The following DNAI3 variants were observed in gnomAD, a reference collection of about 807,000 sequenced individuals.
The protein encoded by DNAI3 is WD repeat domain 63.
DNAI3 carries 83 observed loss-of-function variants against 115.5 expected under a neutral mutation model. That is an observed-to-expected ratio of 0.72 (90% CI 0.60 to 0.86). DNAI3 has a LOEUF of 0.86. DNAI3 is among the 40% of genes least tolerant of loss of function. DNAI3 has a pLI of 0.00. For missense variants in DNAI3, 1,004 were observed against 1,075.8 expected (o/e 0.93, Z 0.93); for synonymous variants, 320 against 347.0 (o/e 0.92, Z 0.86).
Position 85,094,379 on chromosome 1 carries a change from C to T in DNAI3, c.1049-52C>T, listed in dbSNP as rs368681335. On this transcript the variant is annotated intron_variant, in intron 9 of 22. Transcript: ENST00000294664. Reference sequence around the variant, plus strand: ...GTAGAAAAGCAAAAGCTAGAGACATCTCTCCATGTATAGTTGCTGCCAACT... The same window carrying T: ...GTAGAAAAGCAAAAGCTAGAGACATTTCTCCATGTATAGTTGCTGCCAACT... The T allele has an allele frequency of 5.6e-6, 9 of 1,604,394 alleles. No homozygotes were observed. The African/African-American group carries it at 1.1e-4, about 19-fold the overall frequency.
At chr1:85,128,847 CTGAGA>C in intron 21 of DNAI3, 48 bp downstream of exon 21, 1 of 1,514,670 alleles carries the variant, frequency 6.6e-7, no homozygotes, top group Non-Finnish European at 9.1e-7. Context: ...CCAGATATTG[CTGAGA>C]TATGTCTTTA....
intron 13 of DNAI3, among the ~76,000 whole-genome samples, chr1:85,102,024 G>A (rs1655341198): frequency 1.3e-5 from 2 of 151,766 alleles, no homozygotes; most frequent in African/African-American, 2.4e-5. Flanking sequence ...GCGAAACCCC[G>A]TATCTATGTA....
chr1:85,129,611 A>G (rs150625048), intron 21 of DNAI3, among the ~76,000 whole-genome samples: 1 of 152,172 alleles, frequency 6.6e-6, no homozygotes, highest in Non-Finnish European at 1.5e-5. Context: ...GAAATGGGGA[A>G]AAAGCAACCC....
At chr1:85,099,923 A>G (rs1022983654) in intron 13 of DNAI3, among the ~76,000 whole-genome samples, 14 of 152,320 alleles carry the variant, frequency 9.2e-5, no homozygotes, top group African/African-American at 3.4e-4. Context: ...AGCCATATGT[A>G]GAAAGCTGAA....
At chr1:85,080,236 A>G (rs1192411247) in intron 3 of DNAI3, among the ~76,000 whole-genome samples, 2 of 151,454 alleles carry the variant, frequency 1.3e-5, no homozygotes, top group Admixed American at 6.6e-5. Flanking sequence ...TATTTTTAGT[A>G]GAGATGGGGT....
chr1:85,087,092 CCTT>C (rs564550292), intron 7 of DNAI3, among the ~76,000 whole-genome samples: 379 of 152,192 alleles, frequency 2.5e-3, no homozygotes, highest in Non-Finnish European at 4.5e-3. Flanking sequence ...CTTATCCCCT[CCTT>C]CATTCAGATC....
intron 7 of DNAI3, among the ~76,000 whole-genome samples, chr1:85,087,278 A>G (rs997418101): frequency 2.0e-5 from 3 of 151,900 alleles, no homozygotes. Flanking sequence ...TTTACTAAAA[A>G]TACGCAAATT....
chr1:85,105,543 A>AAG (rs1335845158), intron 14 of DNAI3, among the ~76,000 whole-genome samples: 3 of 37,378 alleles, frequency 8.0e-5, no homozygotes, highest in Non-Finnish European at 1.6e-4. Flanking sequence ...AAAAAAAAAG[A>AAG]AAAAGAAAAA....
chr1:85,113,711 C>T (rs1655724225), intron 16 of DNAI3, among the ~76,000 whole-genome samples: 1 of 151,878 alleles, frequency 6.6e-6, no homozygotes, highest in African/African-American at 2.4e-5. Flanking sequence ...TTAGGAACAG[C>T]TTGTTATGCA....
intron 13 of DNAI3, among the ~76,000 whole-genome samples, chr1:85,104,209 C>T (rs921526678): frequency 1.2e-4 from 18 of 151,518 alleles, no homozygotes; most frequent in Non-Finnish European, 1.9e-4. Context: ...CATGCTCCAC[C>T]TCCCGGGTTC....
At chr1:85,093,802 A>G in intron 9 of DNAI3, 154 bp downstream of exon 9, 1 of 857,022 alleles carries the variant, frequency 1.2e-6, no homozygotes, top group Non-Finnish European at 1.9e-6. Flanking sequence ...CCACGCCCTC[A>G]CTGTCATGTG....
At chr1:85,066,706 T>G (rs1473905667) in intron 1 of DNAI3, among the ~76,000 whole-genome samples, 1 of 152,166 alleles carries the variant, frequency 6.6e-6, no homozygotes, top group Non-Finnish European at 1.5e-5. Flanking sequence ...AAAGTAAACT[T>G]AGACTAAAGT....
At chr1:85,120,681 T>C (rs190047255) in intron 17 of DNAI3, among the ~76,000 whole-genome samples, 120 of 152,236 alleles carry the variant, frequency 7.9e-4, no homozygotes, top group African/African-American at 2.8e-3. Flanking sequence ...GCTCAAGAAG[T>C]GGTATCCGTG....
intron 12 of DNAI3, 98 bp downstream of exon 12, chr1:85,097,753 G>C: frequency 4.4e-6 from 4 of 912,368 alleles, no homozygotes; most frequent in Non-Finnish European, 4.6e-6. Context: ...AAACTCAAGA[G>C]AAAAAAGGAA....
intron 3 of DNAI3, among the ~76,000 whole-genome samples, chr1:85,080,627 G>A (rs991771898): frequency 2.0e-5 from 3 of 152,172 alleles, no homozygotes; most frequent in African/African-American, 7.2e-5. Flanking sequence ...TGAGGTTGGG[G>A]TGTTTTAGAA....
At chr1:85,063,569 G>A (rs11161516) in intron 1 of DNAI3, among the ~76,000 whole-genome samples, 131,244 of 152,216 alleles carry the variant, frequency 0.86, 56,786 homozygotes, top group South Asian at 0.92. Flanking sequence ...TTAAAAATGC[G>A]GAGTCCCAGG....
intron 19 of DNAI3, among the ~76,000 whole-genome samples, chr1:85,125,073 C>G (rs1656093487): frequency 6.6e-6 from 1 of 152,026 alleles, no homozygotes; most frequent in African/African-American, 2.4e-5. Context: ...GGGGCTGGAT[C>G]TAGGCAGATA....
Position 85,073,107 on chromosome 1 carries a change from A to G in DNAI3, c.103+15A>G. 1 of 1,524,026 alleles carries G rather than the reference A, an allele frequency of 6.6e-7. No homozygotes were observed. Among genetic ancestry groups the G allele is most frequent in the East Asian group, 2.3e-5 (1 of 42,630 alleles). The allele number at this position is 1,524,026 out of a possible 1,614,324, so 94.4% of individuals were successfully genotyped here. A position where few individuals can be genotyped will look rare whatever the true frequency, so the allele number is the denominator to read the frequency against. On this transcript the variant is annotated intron_variant, in intron 3 of 22. Coordinates refer to ENST00000294664, the MANE Select transcript of DNAI3 (RefSeq NM_145172.5). ...GGAGAGCATGGGTAAGTGGAAATAT[A>G]ATTTACAACTTACATCCTCAGTTTT... is the stretch of plus-strand genomic sequence containing the variant.
intron 22 of DNAI3, among the ~76,000 whole-genome samples, chr1:85,131,439 C>A (rs1045139170): frequency 3.0e-5 from 3 of 98,620 alleles, no homozygotes; most frequent in African/African-American, 4.3e-5. Context: ...AGCGAAACTC[C>A]ATCTCAAAAA....
Sources: allele counts gnomAD v4.1 joint callset (sites outside exome capture counted in the v4.1 genomes callset), GRCh38; gene constraint gnomAD v4.1.1; transcripts MANE v1.5; gene names NCBI Gene and HGNC (gene_info 2026-07-23, HGNC 2026-07-21).